NHEJ1: variants seen among roughly 807,000 people sequenced by gnomAD.
NHEJ1 encodes non-homologous end joining factor 1.
In NHEJ1, 22 loss-of-function variants were observed where a neutral mutation model predicts 39.4. The ratio of observed to expected loss-of-function variants is 0.56; its 90% CI spans 0.40 to 0.80. NHEJ1 has a LOEUF of 0.80. NHEJ1 is among the 30% of genes least tolerant of loss of function. The pLI is 0.00. For missense variants in NHEJ1, 329 were observed against 357.1 expected (o/e 0.92, Z 0.63); for synonymous variants, 154 against 135.6 (o/e 1.14, Z -0.94).
At chr2:219,115,883 A>G (rs1202229472) in intron 5 of NHEJ1, among the ~76,000 whole-genome samples, 1 of 152,164 alleles carries the variant, frequency 6.6e-6, no homozygotes, top group Non-Finnish European at 1.5e-5. Flanking sequence ...GCACTTTGGG[A>G]GGCCGAGGCG....
chr2:219,151,215 T>A (rs1371273877), intron 3 of NHEJ1, among the ~76,000 whole-genome samples: 2 of 150,734 alleles, frequency 1.3e-5, no homozygotes. Context: ...TGACAGTGAA[T>A]ATTTGATGAG....
chr2:219,137,253 T>C (rs1214311705), intron 5 of NHEJ1, among the ~76,000 whole-genome samples: 1 of 151,968 alleles, frequency 6.6e-6, no homozygotes, highest in African/African-American at 2.4e-5. Context: ...ATATTTTCAG[T>C]AAGGAAAACA....
At chr2:219,122,915 A>AGAG (rs1303487950) in intron 5 of NHEJ1, among the ~76,000 whole-genome samples, 1 of 152,218 alleles carries the variant, frequency 6.6e-6, no homozygotes, top group Non-Finnish European at 1.5e-5. Flanking sequence ...TGGGGAGTAA[A>AGAG]GAGTGGATAG....
chr2:219,086,426 G>T (rs909156054), intron 5 of NHEJ1, among the ~76,000 whole-genome samples: 1 of 152,142 alleles, frequency 6.6e-6, no homozygotes, highest in Non-Finnish European at 1.5e-5. Flanking sequence ...TCCTACCCCT[G>T]TAAGGAAGTT....
In NHEJ1 at chr2:219,088,872, G is replaced by T. The variant is rs538706176; in HGVS notation, c.589-10666C>A. Among the ~76,000 whole-genome samples the T allele has an allele frequency of 2.0e-5, 3 of 152,270 alleles. No individual in the cohort carries two copies. In the East Asian group the frequency reaches 5.8e-4, roughly 29 times the overall value. On this transcript the variant is annotated intron_variant, in intron 5 of 7. Transcript: ENST00000356853. ...CTGTTACCCAGGCTGGAGTGCGGTG[G>T]CGTGATCTCAGCTCACCACAAGCTC...
At chr2:219,158,100 G>C (rs56715929) in intron 2 of NHEJ1, 86 bp downstream of exon 2, 2 of 1,401,180 alleles carry the variant, frequency 1.4e-6, no homozygotes, top group Non-Finnish European at 2.0e-6. Context: ...GTCTCAACCC[G>C]ATTCAACCTT....
At chr2:219,093,740 C>T (rs10932795) in intron 5 of NHEJ1, among the ~76,000 whole-genome samples, 132,178 of 152,256 alleles carry the variant, frequency 0.87, 58,381 homozygotes, top group Non-Finnish European at 0.96. Context: ...ATAGTGTTTG[C>T]TTTATTATAT....
At chr2:219,146,351 C>A (rs577969010) in intron 5 of NHEJ1, among the ~76,000 whole-genome samples, 2 of 152,182 alleles carry the variant, frequency 1.3e-5, no homozygotes, top group African/African-American at 4.8e-5. Flanking sequence ...CCAGACCTTA[C>A]GACCAGATCT....
chr2:219,145,446 A>G (rs1180350269), intron 5 of NHEJ1, among the ~76,000 whole-genome samples: 1 of 152,248 alleles, frequency 6.6e-6, no homozygotes, highest in Non-Finnish European at 1.5e-5. Context: ...TACCTGCTTT[A>G]TGCCTAGCCC....
chr2:219,085,342 C>A (rs1026613964), intron 5 of NHEJ1, among the ~76,000 whole-genome samples: 1 of 152,318 alleles, frequency 6.6e-6, no homozygotes, highest in African/African-American at 2.4e-5. Flanking sequence ...CAACCTGATA[C>A]GGGGTCTCTC....
At chr2:219,134,763 G>C (rs1949609169) in intron 5 of NHEJ1, among the ~76,000 whole-genome samples, 1 of 152,124 alleles carries the variant, frequency 6.6e-6, no homozygotes, top group Non-Finnish European at 1.5e-5. Context: ...CATGTGGCCA[G>C]GCGCGGTGGC....
At chr2:219,156,149 T>C (rs909787701) in intron 3 of NHEJ1, among the ~76,000 whole-genome samples, 2 of 151,486 alleles carry the variant, frequency 1.3e-5, no homozygotes, top group Non-Finnish European at 2.9e-5. Context: ...CTCAGGAGGC[T>C]GAGGCAGGAG....
intron 5 of NHEJ1, among the ~76,000 whole-genome samples, chr2:219,143,025 C>T (rs1421051320): frequency 6.6e-6 from 1 of 152,210 alleles, no homozygotes; most frequent in Non-Finnish European, 1.5e-5. Flanking sequence ...CCTGCCTGGC[C>T]TACTGTCCCC....
rs571931285 is a variant in NHEJ1 at position 219,101,674 on chromosome 2, G to C, written c.589-23468C>G. 7.9e-5 allele frequency among the ~76,000 whole-genome samples: 12 copies of C among 151,376 alleles called. No individual in the cohort carries two copies. In the East Asian group the frequency reaches 1.9e-3, roughly 25 times the overall value. On this transcript the variant is annotated intron_variant, in intron 5 of 7. Transcript: ENST00000356853. ...GATCTTCCTGCCTCGGCCTCCCAAA[G>C]TGCTGGGATTACAGGCCTCAGCCAC...
intron 5 of NHEJ1, among the ~76,000 whole-genome samples, chr2:219,103,284 T>A (rs577265437): frequency 6.6e-6 from 1 of 152,156 alleles, no homozygotes; most frequent in African/African-American, 2.4e-5. Flanking sequence ...TTATTTTTTC[T>A]TTTTTCTTTG....
Position 219,121,715 on chromosome 2 carries a change from A to G in NHEJ1, c.588+24965T>C, listed in dbSNP as rs569302230. ...AAATCAGCTGGACATGCTCCTAGCT[A>G]CTTGAGAGGTTGAGGTGGAAGGATC... On this transcript the variant is annotated intron_variant, in intron 5 of 7. Transcript: ENST00000356853. Among the ~76,000 whole-genome samples, 11 of 152,126 alleles carry G rather than the reference A, an allele frequency of 7.2e-5. No individual in the cohort carries two copies. The South Asian group carries it at 2.1e-3, about 29-fold the overall frequency.
intron 5 of NHEJ1, chr2:219,095,381 A>C: frequency 2.1e-6 from 1 of 470,696 alleles, no homozygotes; most frequent in Non-Finnish European, 4.4e-6. Context: ...TTATTTAGTT[A>C]GTAGTAGTCC....
chr2:219,085,294 T>A (rs1949101591), intron 5 of NHEJ1, among the ~76,000 whole-genome samples: 1 of 152,236 alleles, frequency 6.6e-6, no homozygotes, highest in East Asian at 1.9e-4. Flanking sequence ...CCACAGCTCA[T>A]CACTTGGATG....
intron 5 of NHEJ1, among the ~76,000 whole-genome samples, chr2:219,095,704 A>G (rs1949202111): frequency 6.6e-6 from 1 of 152,186 alleles, no homozygotes; most frequent in Non-Finnish European, 1.5e-5. Context: ...GGGTATGGGT[A>G]CTATTATAAA....
Sources: gnomAD v4.1 joint callset for allele counts (sites outside exome capture counted in the v4.1 genomes callset) on GRCh38, gnomAD v4.1.1 for gene constraint, MANE v1.5 for transcripts, NCBI Gene and HGNC (gene_info 2026-07-23, HGNC 2026-07-21) for gene names.